The following EPB41L3 variants were observed in gnomAD, a reference collection of about 807,000 sequenced individuals.
EPB41L3 encodes band 4.1-like protein 3.
EPB41L3 carries 57 observed loss-of-function variants against 127.1 expected under a neutral mutation model. The observed-to-expected ratio is 0.45, with a 90% confidence interval of 0.36 to 0.56. EPB41L3 has a LOEUF of 0.56. Among genes scored for constraint, EPB41L3 ranks in the 20% least tolerant of loss-of-function variants. The pLI, the probability that EPB41L3 is intolerant of heterozygous loss-of-function variation, is 0.00. For missense variants in EPB41L3, 1,273 were observed against 1,372.2 expected (o/e 0.93, Z 1.14); for synonymous variants, 572 against 549.5 (o/e 1.04, Z -0.57).
Position 5,433,912 on chromosome 18 carries a change from T to C in EPB41L3, c.815A>G (p.Lys272Arg). ...CCTTTCTGCCTCTAACCTGTGGCTC[T>C]TGTGCAGCTCGATCACTTTGTCTTC... ...ELEDKVIELHKSHRGMTPAEA... is the reference protein window; with the variant it reads ...ELEDKVIELHRSHRGMTPAEA... The change falls in exon 7 of 23, where the codon AAG becomes AGG. Residue 272 changes from lysine to arginine, a missense_variant. Around this residue, in one of 3 missense-constraint regions of EPB41L3, gnomAD observed 326 missense variants for 440.2 expected, o/e 0.74. Coordinates refer to ENST00000341928, the MANE Select transcript of EPB41L3 (RefSeq NM_012307.5). 6.2e-7 allele frequency: 1 copy of C among 1,614,238 alleles called. No individual in the cohort carries two copies. The highest frequency in any genetic ancestry group is 8.5e-7 in the Non-Finnish European group (1 of 1,180,038).
intron 3 of EPB41L3, among the ~76,000 whole-genome samples, chr18:5,563,930 T>C (rs2094165527): frequency 1.3e-5 from 2 of 152,216 alleles, no homozygotes; most frequent in African/African-American, 4.8e-5. Context: ...CAAAGCAGTA[T>C]GGTGAAAAAG....
In EPB41L3 at chr18:5,599,939, A is replaced by G. The variant is rs149779293; in HGVS notation, c.-306+12401T>C. ...ATAAGCACCAGAAACTCTCCTCTAT[A>G]AGAAAAACATATTTAAAAATTGAAT... On this transcript the variant is annotated intron_variant, in intron 3 of 21. Coordinates refer to the EPB41L3 transcript ENST00000545076. 3.3e-3 allele frequency among the ~76,000 whole-genome samples: 507 copies of G among 152,232 alleles called. 5 individuals carry two copies. Among genetic ancestry groups the G allele is most frequent in the South Asian group, 0.014 (67 of 4,822 alleles).
intron 3 of EPB41L3, among the ~76,000 whole-genome samples, chr18:5,447,036 G>A (rs1385006143): frequency 6.6e-6 from 1 of 152,188 alleles, no homozygotes; most frequent in Non-Finnish European, 1.5e-5. Flanking sequence ...TCACAGGTAA[G>A]AACAGAGGTT....
intron 1 of EPB41L3, among the ~76,000 whole-genome samples, chr18:5,530,572 T>A (rs2093378637): frequency 1.3e-5 from 2 of 152,026 alleles, no homozygotes; most frequent in Admixed American, 6.6e-5. Flanking sequence ...TCGGAGCCCA[T>A]CTTACTCGTC....
At chr18:5,493,692 C>T (rs1173116816) in intron 1 of EPB41L3, among the ~76,000 whole-genome samples, 7 of 152,190 alleles carry the variant, frequency 4.6e-5, no homozygotes, top group Non-Finnish European at 1.0e-4. Flanking sequence ...CCCTACCTCT[C>T]TACTTTTCTG....
intron 12 of EPB41L3, among the ~76,000 whole-genome samples, chr18:5,416,580 G>A (rs962388931): frequency 8.5e-5 from 13 of 152,190 alleles, no homozygotes; most frequent in Non-Finnish European, 1.9e-4. Flanking sequence ...TTTCTCCCAT[G>A]AGACTATCAC....
At chr18:5,496,428 C>T (rs983459284) in intron 1 of EPB41L3, among the ~76,000 whole-genome samples, 1 of 152,168 alleles carries the variant, frequency 6.6e-6, no homozygotes, top group African/African-American at 2.4e-5. Flanking sequence ...AGGAAGGGGA[C>T]CTATGTTAGC....
chr18:5,538,292 A>C (rs2093628651), intron 1 of EPB41L3, among the ~76,000 whole-genome samples: 1 of 152,218 alleles, frequency 6.6e-6, no homozygotes, highest in Non-Finnish European at 1.5e-5. Context: ...CGAGCACTAG[A>C]AATGTATCAC....
chr18:5,614,831 A>G (rs1434020498), intron 1 of EPB41L3, among the ~76,000 whole-genome samples: 1 of 152,248 alleles, frequency 6.6e-6, no homozygotes, highest in East Asian at 1.9e-4. Context: ...AATAAATAGT[A>G]ACTAAAAGCA....
chr18:5,476,071 C>T (rs117862146), intron 3 of EPB41L3, among the ~76,000 whole-genome samples: 21 of 152,100 alleles, frequency 1.4e-4, no homozygotes, highest in African/African-American at 4.6e-4. Flanking sequence ...TCAACTAGCA[C>T]CTCATTGCCT....
intron 5 of EPB41L3, among the ~76,000 whole-genome samples, chr18:5,440,468 G>C (rs1441094173): frequency 6.6e-6 from 1 of 152,130 alleles, no homozygotes; most frequent in African/African-American, 2.4e-5. Flanking sequence ...AATCCACTGA[G>C]AAGGAAGTGC....
At chr18:5,547,786 T>C (rs192877365), upstream of EPB41L3, among the ~76,000 whole-genome samples, 358 of 152,266 alleles carry the variant, frequency 2.4e-3, 3 homozygotes, top group African/African-American at 8.3e-3. Flanking sequence ...GAGTAACTGG[T>C]ATTCTGCTAC....
At chr18:5,567,589 GAGAA>G (rs1249611395) in intron 3 of EPB41L3, among the ~76,000 whole-genome samples, 1 of 151,550 alleles carries the variant, frequency 6.6e-6, no homozygotes, top group Non-Finnish European at 1.5e-5. Flanking sequence ...AAGAGAAAAA[GAGAA>G]AGAAAGGAGA....
chr18:5,534,007 C>T (rs1158492237), intron 1 of EPB41L3, among the ~76,000 whole-genome samples: 1 of 151,948 alleles, frequency 6.6e-6, no homozygotes, highest in African/African-American at 2.4e-5. Context: ...CACTAAAATA[C>T]AAAAAATTAG....
Position 5,617,610 on chromosome 18 carries a change from G to A in EPB41L3, c.-467-3187C>T, listed in dbSNP as rs145536854. On this transcript the variant is annotated intron_variant, in intron 1 of 21. Transcript: ENST00000545076. The stretch of plus-strand genomic sequence containing the variant: ...TGGGATTACAGGCGTGAGCCACCGC[G>A]CCCGGCCCAAGTCATTCTATTTTTT... Among the ~76,000 whole-genome samples, 235 of 152,260 alleles carry A rather than the reference G, an allele frequency of 1.5e-3. 1 individual carries two copies. Among genetic ancestry groups the A allele is most frequent in the African/African-American group, 5.4e-3 (224 of 41,542 alleles).
intron 3 of EPB41L3, among the ~76,000 whole-genome samples, chr18:5,452,789 T>C (rs1599124502): frequency 1.9e-5 from 1 of 53,846 alleles, no homozygotes; most frequent in South Asian, 5.2e-4. Flanking sequence ...TTGTTGTGTG[T>C]GTGTGTGTGT....
intron 3 of EPB41L3, among the ~76,000 whole-genome samples, chr18:5,562,156 T>G (rs8090286): frequency 0.65 from 98,560 of 151,978 alleles, 32,155 homozygotes; most frequent in South Asian, 0.68. Flanking sequence ...TAATAGTGTG[T>G]TACCAATGTT....
intron 3 of EPB41L3, among the ~76,000 whole-genome samples, chr18:5,445,540 T>G (rs932150536): frequency 3.3e-5 from 5 of 152,162 alleles, no homozygotes; most frequent in Admixed American, 6.5e-5. Flanking sequence ...TGGAAGCAAC[T>G]GGGGAAAATA....
In EPB41L3 at chr18:5,441,486, C is replaced by G. The variant is rs1205803066; in HGVS notation, c.529+2352G>C. ...AATTTTTTTTTTTTTTTTTTTTTGA[C>G]ACGGAGTTTCGCTCTGTCGCCCAGG... On this transcript the variant is annotated intron_variant, in intron 5 of 22. Transcript: ENST00000341928. Among the ~76,000 whole-genome samples, 1,109 of 127,662 alleles carry G rather than the reference C, an allele frequency of 8.7e-3. 13 individuals carry two copies. The highest frequency in any genetic ancestry group is 0.033 in the African/African-American group (1,008 of 30,578). 83.8% of individuals were successfully genotyped at this position (127,662 alleles called of 152,430 possible).
Sources: gnomAD v4.1 joint callset for allele counts (sites outside exome capture counted in the v4.1 genomes callset) on GRCh38, gnomAD v4.1.1 for gene constraint, gnomAD v4.1.1 regional missense constraint, MANE v1.5 for transcripts, NCBI Gene and HGNC (gene_info 2026-07-23, HGNC 2026-07-21) for gene names.